The following UBE2D2 variants were observed in gnomAD, a reference collection of about 807,000 sequenced individuals.
The protein encoded by UBE2D2 is ubiquitin-conjugating enzyme E2 D2.
UBE2D2 carries 2 observed loss-of-function variants against 24.2 expected under a neutral mutation model. The ratio of observed to expected loss-of-function variants is 0.08; its 90% CI spans 0.03 to 0.26. The LOEUF (loss-of-function observed/expected upper bound fraction) is 0.26, where lower values mean the gene tolerates loss of function less well. Among genes scored for constraint, UBE2D2 ranks in the 10% least tolerant of loss-of-function variants. UBE2D2 has a pLI of 1.00. For synonymous variants in UBE2D2, 58 were observed against 56.5 expected, an observed-to-expected ratio of 1.03 and a Z score of -0.12; for missense variants, 44 against 177.6, an observed-to-expected ratio of 0.25 and a Z score of 4.28.
chr5:139,573,576 C>T (rs948338036), intron 1 of UBE2D2, among the ~76,000 whole-genome samples: 2 of 152,086 alleles, frequency 1.3e-5, no homozygotes, highest in Non-Finnish European at 2.9e-5. Context: ...GGATAGGTCA[C>T]CCTAATTTTT....
chr5:139,601,909 CAAAA>C (rs887066675), intron 2 of UBE2D2, among the ~76,000 whole-genome samples: 1 of 75,626 alleles, frequency 1.3e-5, no homozygotes, highest in Non-Finnish European at 2.7e-5. Flanking sequence ...GACTTACTCT[CAAAA>C]AAAAAAAAAA....
chr5:139,617,487 C>T (rs1241976773), intron 5 of UBE2D2, among the ~76,000 whole-genome samples: 3 of 150,922 alleles, frequency 2.0e-5, no homozygotes, highest in African/African-American at 7.3e-5. Flanking sequence ...AGCAATTCTC[C>T]TGCCTCAGCC....
chr5:139,545,513 G>A (rs1168675829), intron 1 of UBE2D2, among the ~76,000 whole-genome samples: 6 of 149,870 alleles, frequency 4.0e-5, no homozygotes, highest in African/African-American at 1.2e-4. Context: ...TGCAACTTCC[G>A]CCTCCCGGGT....
intron 1 of UBE2D2, among the ~76,000 whole-genome samples, chr5:139,570,450 C>T (rs1753328169): frequency 6.6e-6 from 1 of 152,132 alleles, no homozygotes; most frequent in Non-Finnish European, 1.5e-5. Context: ...AAGAGATTCT[C>T]CTGCCTCAGC....
intron 1 of UBE2D2, among the ~76,000 whole-genome samples, chr5:139,574,280 CAAA>C (rs756512602): frequency 5.1e-5 from 3 of 59,296 alleles, no homozygotes; most frequent in African/African-American, 1.1e-4. Flanking sequence ...AACTCTGTCT[CAAA>C]AAAAAAAAAA....
intron 2 of UBE2D2, among the ~76,000 whole-genome samples, chr5:139,611,137 A>G (rs927329350): frequency 6.7e-6 from 1 of 148,514 alleles, no homozygotes; most frequent in African/African-American, 2.5e-5. Flanking sequence ...CCTAGAATAT[A>G]GAGGCAATAA....
chr5:139,571,429 A>ACAGATTT (rs1271343877), intron 1 of UBE2D2, among the ~76,000 whole-genome samples: 1 of 151,314 alleles, frequency 6.6e-6, no homozygotes, highest in Non-Finnish European at 1.5e-5. Context: ...AAAAACAAAC[A>ACAGATTT]CAGATTTCAG....
intron 1 of UBE2D2, among the ~76,000 whole-genome samples, chr5:139,529,002 T>C (rs940982283): frequency 2.0e-5 from 3 of 152,218 alleles, no homozygotes; most frequent in Admixed American, 1.3e-4. Context: ...ATTGCGGGAC[T>C]CATTTTCCTC....
intron 1 of UBE2D2, among the ~76,000 whole-genome samples, chr5:139,568,396 A>C (rs981208438): frequency 2.6e-5 from 4 of 151,778 alleles, no homozygotes; most frequent in Non-Finnish European, 5.9e-5. Flanking sequence ...GCTGTGGCTC[A>C]TGCCTGTAAT....
intron 1 of UBE2D2, among the ~76,000 whole-genome samples, chr5:139,526,919 T>C (rs1752547493): frequency 6.6e-6 from 1 of 152,246 alleles, no homozygotes; most frequent in Non-Finnish European, 1.5e-5. Flanking sequence ...TGGTTTGGTA[T>C]AAACGGTAAA....
intron 1 of UBE2D2, among the ~76,000 whole-genome samples, chr5:139,567,353 C>A (rs941126839): frequency 6.6e-6 from 1 of 151,802 alleles, no homozygotes; most frequent in Non-Finnish European, 1.5e-5. Flanking sequence ...CTGCTTCGGC[C>A]TCCCAAAGTG....
At chr5:139,559,169 G>A (rs1313952842), upstream of UBE2D2, among the ~76,000 whole-genome samples, 1 of 152,102 alleles carries the variant, frequency 6.6e-6, no homozygotes, top group Non-Finnish European at 1.5e-5. Context: ...GCTCACGCCT[G>A]TAATCCCAGC....
chr5:139,610,957 G>C (rs1754305480), intron 2 of UBE2D2, among the ~76,000 whole-genome samples: 1 of 152,118 alleles, frequency 6.6e-6, no homozygotes, highest in Non-Finnish European at 1.5e-5. Context: ...CAGAGTATTG[G>C]TTGAAAGGAG....
At chr5:139,618,274 A>G (rs1344833435) in intron 5 of UBE2D2, among the ~76,000 whole-genome samples, 2 of 152,188 alleles carry the variant, frequency 1.3e-5, no homozygotes, top group Non-Finnish European at 2.9e-5. Flanking sequence ...GCTCCTGGCC[A>G]CAAATTAATT....
chr5:139,579,527 TG>T (rs1003798539), intron 1 of UBE2D2, among the ~76,000 whole-genome samples: 8 of 152,096 alleles, frequency 5.3e-5, no homozygotes, highest in Admixed American at 4.6e-4. Flanking sequence ...GACCTCAAGA[TG>T]ATCCGCCCAC....
At chr5:139,597,026 A>G (rs1753977122) in intron 1 of UBE2D2, among the ~76,000 whole-genome samples, 1 of 152,170 alleles carries the variant, frequency 6.6e-6, no homozygotes, top group Non-Finnish European at 1.5e-5. Context: ...AGCCTGAGCA[A>G]CAGAGCAAGA....
chr5:139,590,782 C>T (rs375768700), intron 1 of UBE2D2, among the ~76,000 whole-genome samples: 113 of 38,400 alleles, frequency 2.9e-3, no homozygotes, highest in Non-Finnish European at 4.1e-3. Flanking sequence ...TTCTCTTCTT[C>T]TTTTTTTTTT....
intron 1 of UBE2D2, among the ~76,000 whole-genome samples, chr5:139,551,345 A>G (rs1035939110): frequency 1.3e-5 from 2 of 152,140 alleles, no homozygotes; most frequent in African/African-American, 4.8e-5. Context: ...GTGAAACTCC[A>G]TCTCAAAGAA....
chr5:139,562,522 C>G, intron 1 of UBE2D2: 1 of 1,093,496 alleles, frequency 9.1e-7, no homozygotes, highest in East Asian at 5.9e-5. Flanking sequence ...AATAGAAAAG[C>G]TGTACATTGG....
Sources: allele counts gnomAD v4.1 joint callset (sites outside exome capture counted in the v4.1 genomes callset), GRCh38; gene constraint gnomAD v4.1.1; transcripts MANE v1.5; gene names NCBI Gene and HGNC (gene_info 2026-07-23, HGNC 2026-07-21).